ITSN2: variants seen among roughly 807,000 people sequenced by gnomAD.
ITSN2 encodes intersectin-2.
ITSN2 carries 156 observed loss-of-function variants against 243.7 expected under a neutral mutation model. The ratio of observed to expected loss-of-function variants is 0.64; its 90% confidence interval spans 0.56 to 0.73. The LOEUF is 0.73. ITSN2 is among the 30% of genes least tolerant of loss of function. ITSN2 has a pLI of 0.00. For synonymous variants in ITSN2, 703 were observed against 699.9 expected, an observed-to-expected ratio of 1.00 and a Z score of -0.07; for missense variants, 1,801 against 1,996.1, an observed-to-expected ratio of 0.90 and a Z score of 1.86.
intron 2 of ITSN2, among the ~76,000 whole-genome samples, chr2:24,322,506 A>G (rs1684691836): frequency 6.6e-6 from 1 of 152,234 alleles, no homozygotes; most frequent in South Asian, 2.1e-4. Flanking sequence ...TCCTTTCATC[A>G]AATGGTGCTG....
chr2:24,335,523 G>A (rs1686266709), intron 1 of ITSN2, among the ~76,000 whole-genome samples: 1 of 152,116 alleles, frequency 6.6e-6, no homozygotes, highest in African/African-American at 2.4e-5. Flanking sequence ...TTGTAGAGAT[G>A]CGGCCTCACT....
intron 14 of ITSN2, among the ~76,000 whole-genome samples, 195 bp from the exon 15 acceptor site, chr2:24,293,970 T>C (rs1680616368): frequency 6.6e-6 from 1 of 152,252 alleles, no homozygotes; most frequent in Non-Finnish European, 1.5e-5. Flanking sequence ...AAATCAATTT[T>C]GAGTGACTGG....
chr2:24,337,337 T>TATATATATATATATATATAC (rs1558650666), intron 1 of ITSN2, among the ~76,000 whole-genome samples: 15 of 111,744 alleles, frequency 1.3e-4, no homozygotes, highest in African/African-American at 4.3e-4. Context: ...TATATATATA[T>TATATATATATATATATATAC]ATATATATAT....
chr2:24,295,528 C>G (rs556347203), intron 14 of ITSN2, 136 bp downstream of exon 14: 4 of 548,310 alleles, frequency 7.3e-6, no homozygotes, highest in Non-Finnish European at 1.2e-5. Context: ...GGGCTGGTCT[C>G]GAACTCCTGA....
intron 24 of ITSN2, among the ~76,000 whole-genome samples, chr2:24,253,159 T>C (rs1413475468): frequency 6.6e-6 from 1 of 152,202 alleles, no homozygotes; most frequent in African/African-American, 2.4e-5. Flanking sequence ...GAAGAAACAG[T>C]TGGTGACTTG....
chr2:24,329,292 G>A (rs1040594080), intron 1 of ITSN2, among the ~76,000 whole-genome samples: 5 of 151,736 alleles, frequency 3.3e-5, no homozygotes, highest in Non-Finnish European at 5.9e-5. Flanking sequence ...ACGGAGTCTC[G>A]CTCTGTCGCC....
At chr2:24,241,942 AAAG>A (rs1206615881) in intron 29 of ITSN2, 12 of 152,772 alleles carry the variant, frequency 7.9e-5, no homozygotes, top group African/African-American at 2.4e-4. Context: ...TCAAATTAAA[AAAG>A]AAGAAAAATG....
At chr2:24,217,866 T>A in intron 31 of ITSN2, 41 bp downstream of exon 31, 2 of 1,421,782 alleles carry the variant, frequency 1.4e-6, no homozygotes. Flanking sequence ...GTCTGGGGGC[T>A]TTGGGGTCAG....
chr2:24,208,772 A>G (rs891427698), intron 36 of ITSN2, among the ~76,000 whole-genome samples: 1 of 152,226 alleles, frequency 6.6e-6, no homozygotes, highest in Admixed American at 6.5e-5. Flanking sequence ...CCTGTGGCCC[A>G]AGGAGGCCTC....
At chr2:24,356,499 A>AG (rs1688462993) in intron 1 of ITSN2, among the ~76,000 whole-genome samples, 1 of 151,396 alleles carries the variant, frequency 6.6e-6, no homozygotes. Flanking sequence ...AAGAAAAAAA[A>AG]AACCCCACCA....
At chr2:24,337,336 A>ATATATATATATATG (rs1574362749) in intron 1 of ITSN2, among the ~76,000 whole-genome samples, 1 of 111,090 alleles carries the variant, frequency 9.0e-6, no homozygotes, top group Non-Finnish European at 1.8e-5. Context: ...ATATATATAT[A>ATATATATATATATG]TATATATATA....
At chr2:24,350,923 T>C (rs1231818868) in intron 1 of ITSN2, among the ~76,000 whole-genome samples, 1 of 151,906 alleles carries the variant, frequency 6.6e-6, no homozygotes, top group Non-Finnish European at 1.5e-5. Context: ...TAAAATTAGA[T>C]AGTGATACTG....
At position 24,204,611 on chromosome 2, in the gene ITSN2, C is replaced by T. The variant is rs1249506437; in HGVS notation, c.4763-193G>A. The T allele has an allele frequency of 6.0e-6, 4 of 671,912 alleles. No homozygotes were observed. In the East Asian group the frequency reaches 1.2e-4, roughly 19 times the overall value. 41.6% of individuals were successfully genotyped at this position (671,912 alleles called of 1,614,324 possible). ...TCCAAGTTCCCAGTGCTGACAGCAG[C>T]ATTAACTGGGGAGTGGCCGAGAGCT... is the stretch of plus-strand genomic sequence containing the variant. On this transcript the variant is annotated intron_variant, in intron 38 of 39. Coordinates refer to ENST00000355123, the MANE Select transcript of ITSN2 (RefSeq NM_006277.3). This position sits in a 1 kb window ranked among gnomAD's most constrained non-coding sequence, Gnocchi z 5.1.
chr2:24,281,700 A>C (rs2151524788), intron 17 of ITSN2, among the ~76,000 whole-genome samples: 1 of 152,320 alleles, frequency 6.6e-6, no homozygotes, highest in East Asian at 1.9e-4. Flanking sequence ...TCCTCTACTA[A>C]GCTTGCATAT....
chr2:24,266,735 C>T (rs945427593), intron 20 of ITSN2, among the ~76,000 whole-genome samples: 7 of 142,086 alleles, frequency 4.9e-5, no homozygotes, highest in South Asian at 2.2e-4. Flanking sequence ...TTGAGACAAG[C>T]GTAGGCAACA....
intron 14 of ITSN2, among the ~76,000 whole-genome samples, chr2:24,295,262 T>C (rs1680793349): frequency 6.6e-6 from 1 of 152,168 alleles, no homozygotes; most frequent in Non-Finnish European, 1.5e-5. Flanking sequence ...TATCAAAGAC[T>C]CAAGGTTATT....
chr2:24,346,114 C>G (rs991465742), intron 1 of ITSN2, among the ~76,000 whole-genome samples: 3 of 152,052 alleles, frequency 2.0e-5, no homozygotes, highest in African/African-American at 7.2e-5. Flanking sequence ...TATCCCAGCC[C>G]ACAAAGATGG....
chr2:24,259,273 G>C (rs1480020345), intron 22 of ITSN2, among the ~76,000 whole-genome samples: 1 of 151,966 alleles, frequency 6.6e-6, no homozygotes, highest in South Asian at 2.1e-4. Flanking sequence ...CACATTCAAT[G>C]GATTATCTAT....
chr2:24,307,136 AC>A (rs1287014010), intron 8 of ITSN2, among the ~76,000 whole-genome samples: 1 of 152,222 alleles, frequency 6.6e-6, no homozygotes, highest in Non-Finnish European at 1.5e-5. Flanking sequence ...AATGTAGGGT[AC>A]AAAGAAGTTA....
Sources: gnomAD v4.1 joint callset for allele counts (sites outside exome capture counted in the v4.1 genomes callset) on GRCh38, gnomAD v4.1.1 for gene constraint, Gnocchi (gnomAD v3.1) non-coding constraint, MANE v1.5 for transcripts, NCBI Gene and HGNC (gene_info 2026-07-23, HGNC 2026-07-21) for gene names.